The following SLC25A19 variants were observed in gnomAD, a reference collection of about 807,000 sequenced individuals.
The protein encoded by SLC25A19 is solute carrier family 25 member 19, also known as mitochondrial thiamine pyrophosphate carrier.
SLC25A19 carries 18 observed loss-of-function variants against 27.9 expected under a neutral mutation model. The observed-to-expected ratio is 0.64, with a 90% confidence interval of 0.45 to 0.96. The LOEUF (loss-of-function observed/expected upper bound fraction) is 0.96, where lower values mean the gene tolerates loss of function less well. SLC25A19 is among the 40% of genes least tolerant of loss of function. The pLI, the probability that SLC25A19 is intolerant of heterozygous loss-of-function variation, is 0.00. For synonymous variants in SLC25A19, 169 were observed against 167.1 expected, an observed-to-expected ratio of 1.01 and a Z score of -0.09; for missense variants, 371 against 418.3, an observed-to-expected ratio of 0.89 and a Z score of 0.99.
intron 5 of SLC25A19, among the ~76,000 whole-genome samples, chr17:75,280,647 T>G (rs993041749): frequency 1.3e-5 from 2 of 151,836 alleles, no homozygotes; most frequent in Non-Finnish European, 2.9e-5. Context: ...ACCCCGTCTC[T>G]ACTAAAAATA....
At chr17:75,286,942 C>T in intron 2 of SLC25A19, 140 bp from the exon 3 acceptor site, 8 of 822,882 alleles carry the variant, frequency 9.7e-6, no homozygotes, top group Non-Finnish European at 1.3e-5. Flanking sequence ...CGGTTCATGC[C>T]TGTATCCCAG....
intron 7 of SLC25A19, among the ~76,000 whole-genome samples, chr17:75,274,411 A>G (rs1476850929): frequency 6.6e-6 from 1 of 152,110 alleles, no homozygotes; most frequent in Non-Finnish European, 1.5e-5. Flanking sequence ...GCTTCCCTCC[A>G]AAAGCTGCAG....
intron 7 of SLC25A19, among the ~76,000 whole-genome samples, chr17:75,276,280 C>A (rs1337955161): frequency 1.3e-5 from 2 of 152,106 alleles, no homozygotes; most frequent in Non-Finnish European, 2.9e-5. Context: ...CGTTTCAAAA[C>A]AAAAACAAAA....
chr17:75,282,156 G>C (rs2145764500), intron 5 of SLC25A19, among the ~76,000 whole-genome samples: 1 of 152,230 alleles, frequency 6.6e-6, no homozygotes, highest in East Asian at 1.9e-4. Context: ...GGGAGGCTGA[G>C]GCAGAAGGAT....
At chr17:75,273,728 T>A in intron 7 of SLC25A19, 89 bp from the exon 8 acceptor site, 1 of 1,266,408 alleles carries the variant, frequency 7.9e-7, no homozygotes, top group Non-Finnish European at 1.1e-6. Flanking sequence ...AAGAAGTACT[T>A]GCTGGACAAA....
chr17:75,280,684 G>A (rs1418588392), intron 5 of SLC25A19, among the ~76,000 whole-genome samples: 2 of 151,818 alleles, frequency 1.3e-5, no homozygotes, highest in African/African-American at 4.8e-5. Flanking sequence ...GCGGTGGTGG[G>A]CGCCTGTAAT....
chr17:75,280,780 C>G (rs768905817), intron 5 of SLC25A19, among the ~76,000 whole-genome samples: 4 of 151,110 alleles, frequency 2.6e-5, no homozygotes, highest in Non-Finnish European at 4.4e-5. Context: ...GAGACTTCAT[C>G]TGAAAAAAAA....
chr17:75,281,733 G>A (rs749417919), intron 5 of SLC25A19, among the ~76,000 whole-genome samples: 10 of 152,046 alleles, frequency 6.6e-5, no homozygotes, highest in Non-Finnish European at 1.0e-4. Context: ...AAACAAAGAC[G>A]CTCTCATAAT....
At position 75,284,633 on chromosome 17, in the gene SLC25A19, C is replaced by CATTTTTTTTTTTTTTTTTTTTTTTT. The variant is rs776356552; in HGVS notation, c.289-1041_289-1040insAAAAAAAAAAAAAAAAAAAAAAAAT. Among the ~76,000 whole-genome samples the CATTTTTTTTTTTTTTTTTTTTTTTT allele has an allele frequency of 5.3e-5, 6 of 112,292 alleles. 2 individuals are homozygous for CATTTTTTTTTTTTTTTTTTTTTTTT. Among genetic ancestry groups the CATTTTTTTTTTTTTTTTTTTTTTTT allele is most frequent in the African/African-American group, 3.4e-5 (1 of 29,396 alleles). 73.7% of individuals were successfully genotyped at this position (112,292 alleles called of 152,430 possible). ...GTGACCCCCTTACATTCAGATCTTT[C>CATTTTTTTTTTTTTTTTTTTTTTTT]TTTTTTTTTTTTTTTTTTTTTTTTT... On this transcript the variant is annotated intron_variant, in intron 4 of 7. Coordinates refer to ENST00000416858, the MANE Select transcript of SLC25A19 (RefSeq NM_001126121.2).
At chr17:75,278,434 CAGG>C (rs2077952692) in intron 5 of SLC25A19, 99 bp from the exon 6 acceptor site, 3 of 1,373,962 alleles carry the variant, frequency 2.2e-6, no homozygotes, top group Non-Finnish European at 3.1e-6. Flanking sequence ...TACCAGCTAC[CAGG>C]AGCGAAACTC....
rs142241068 is a variant in SLC25A19, at chr17:75,279,697, C to T, written c.460-1362G>A. On this transcript the variant is annotated intron_variant, in intron 5 of 7. Coordinates refer to ENST00000416858, the MANE Select transcript of SLC25A19 (RefSeq NM_001126121.2). ...CTAATTTTTGTATTTTTAGTAGAGA[C>T]GGGGTTTCATCATGTTGGCCAGGAT... Among the ~76,000 whole-genome samples, 1,455 of 151,864 alleles carry T rather than the reference C, an allele frequency of 9.6e-3. 11 individuals are homozygous for T. The highest frequency in any genetic ancestry group is 0.017 in the Non-Finnish European group (1,132 of 67,928).
chr17:75,285,413 C>G (rs1297016473), intron 4 of SLC25A19, among the ~76,000 whole-genome samples: 1 of 152,192 alleles, frequency 6.6e-6, no homozygotes, highest in Non-Finnish European at 1.5e-5. Context: ...GAGTCCAGCC[C>G]ACGCCTGGCT....
chr17:75,283,538 G>A lies in SLC25A19; in HGVS notation c.344C>T (p.Ala115Val), dbSNP rs2078105122. The A allele has an allele frequency of 6.2e-7, 1 of 1,613,764 alleles. No individual in the cohort carries two copies. The highest frequency in any genetic ancestry group is 1.3e-5 in the African/African-American group (1 of 75,004). ...ELVHRGSVYD[A>V]REFSVHFVCG... ...TACAAAGTGCACTGAGAATTCCCGGGCGTCATACACGCTGCCTCTGTGGAC... is the reference window on the plus strand; with the variant it reads ...TACAAAGTGCACTGAGAATTCCCGGACGTCATACACGCTGCCTCTGTGGAC... The change falls in exon 5 of 8, where the codon GCC becomes GTC. Residue 115 changes from alanine to valine, a missense_variant. By Grantham distance (64) the Ala-to-Val change is moderately conservative. Transcript: ENST00000416858.
At chr17:75,286,989 T>G in intron 2 of SLC25A19, 187 bp from the exon 3 acceptor site, 1 of 544,950 alleles carries the variant, frequency 1.8e-6, no homozygotes, top group Non-Finnish European at 3.3e-6. Context: ...TTGCTTGAGC[T>G]CAGGAGTTCA....
At chr17:75,279,310 TTA>T (rs1240582177) in intron 5 of SLC25A19, among the ~76,000 whole-genome samples, 1 of 152,130 alleles carries the variant, frequency 6.6e-6, no homozygotes, top group African/African-American at 2.4e-5. Context: ...TTGATACATC[TTA>T]TATGTTGTAA....
intron 4 of SLC25A19, among the ~76,000 whole-genome samples, chr17:75,286,073 C>T (rs2078172888): frequency 6.6e-6 from 1 of 152,214 alleles, no homozygotes; most frequent in Non-Finnish European, 1.5e-5. Context: ...GACATCAAAT[C>T]GGTCTCCAAG....
rs551415567 is a variant in SLC25A19, at chr17:75,282,258, A to G, written c.459+1165T>C. ...ACAAAACAAGACACTGTCTCAAAAA[A>G]TATATATATAGGCCAGGTGCGGTGG... is the stretch of plus-strand genomic sequence containing the variant. On this transcript the variant is annotated intron_variant, in intron 5 of 7. Transcript: ENST00000416858. 9.9e-5 allele frequency among the ~76,000 whole-genome samples: 15 copies of G among 151,794 alleles called. No individual in the cohort carries two copies. In the South Asian group the frequency reaches 2.9e-3, roughly 30 times the overall value.
At position 75,284,633 on chromosome 17, in the gene SLC25A19, CTT is replaced by C. The variant is rs1555604197; in HGVS notation, c.289-1042_289-1041del. ...GTGACCCCCTTACATTCAGATCTTT[CTT>C]TTTTTTTTTTTTTTTTTTTTTTTAG... On this transcript the variant is annotated intron_variant, in intron 4 of 7. Transcript: ENST00000416858. Among the ~76,000 whole-genome samples, 18 of 112,294 alleles carry C rather than the reference CTT, an allele frequency of 1.6e-4. 3 individuals carry two copies. The highest frequency in any genetic ancestry group is 2.0e-4 in the Admixed American group (2 of 10,022). The allele number at this position is 112,294 out of a possible 152,430, so 73.7% of individuals were successfully genotyped here.
At chr17:75,275,782 CT>C (rs1217225614) in intron 7 of SLC25A19, among the ~76,000 whole-genome samples, 3 of 151,986 alleles carry the variant, frequency 2.0e-5, no homozygotes, top group African/African-American at 7.3e-5. Flanking sequence ...TGGTGAAACC[CT>C]GTCTCATATG....
Sources: allele counts gnomAD v4.1 joint callset (sites outside exome capture counted in the v4.1 genomes callset), GRCh38; gene constraint gnomAD v4.1.1; transcripts MANE v1.5; gene names NCBI Gene and HGNC (gene_info 2026-07-23, HGNC 2026-07-21).